SLC2A9: variants seen among roughly 807,000 people sequenced by gnomAD.
The protein encoded by SLC2A9 is solute carrier family 2, facilitated glucose transporter member 9.
Under a neutral mutation model 50.6 loss-of-function variants are expected in SLC2A9, and 39 were observed. That is an observed-to-expected ratio of 0.77 (90% CI 0.60 to 1.01). The LOEUF is 1.01. SLC2A9 is among the 50% of genes least tolerant of loss of function. The pLI is 0.00. For synonymous variants in SLC2A9, 324 were observed against 276.9 expected (o/e 1.17, Z -1.69); for missense variants, 686 against 677.6 (o/e 1.01, Z -0.14).
chr4:9,775,891 A>T (rs1344694643), downstream of SLC2A9, among the ~76,000 whole-genome samples: 1 of 152,200 alleles, frequency 6.6e-6, no homozygotes, highest in East Asian at 1.9e-4. Context: ...GGCCTTCTCC[A>T]TCTGTAGCTA....
At chr4:9,828,988 A>G (rs762656911) in intron 11 of SLC2A9, among the ~76,000 whole-genome samples, 21 of 152,166 alleles carry the variant, frequency 1.4e-4, no homozygotes, top group Non-Finnish European at 2.9e-4. Context: ...CCAGGCCACA[A>G]ACAGGGCTTC....
At position 9,980,505 on chromosome 4, in the gene SLC2A9, A is replaced by G. The variant is rs1475141819; in HGVS notation, c.681+87T>C. 3.1e-6 allele frequency: 5 copies of G among 1,591,270 alleles called. No homozygotes were observed. The East Asian group carries it at 8.9e-5, about 28-fold the overall frequency. ...TTGAATACCAGAAATTGCAAAATAC[A>G]GGGACCAGCTTTTGGAGAAAAGGCT... On this transcript the variant is annotated intron_variant, in intron 5 of 11. Coordinates refer to ENST00000264784, the MANE Select transcript of SLC2A9 (RefSeq NM_020041.3).
chr4:9,781,784 C>T, intron 3 of SLC2A9: 1 of 412,516 alleles, frequency 2.4e-6, no homozygotes, highest in Non-Finnish European at 4.2e-6. Flanking sequence ...CGAGCACCAG[C>T]CGCTTCCTGT....
chr4:9,823,375 A>T (rs1354171319), downstream of SLC2A9, among the ~76,000 whole-genome samples: 1 of 152,160 alleles, frequency 6.6e-6, no homozygotes, highest in Admixed American at 6.5e-5. Context: ...AGCTCATGAA[A>T]ATGTCTGTCT....
intron 10 of SLC2A9, chr4:9,878,988 G>T: frequency 2.1e-6 from 2 of 965,140 alleles, no homozygotes; most frequent in Non-Finnish European, 2.5e-6. Flanking sequence ...ACACCACACA[G>T]TAGGAACTTA....
downstream of SLC2A9, among the ~76,000 whole-genome samples, chr4:9,794,985 A>G (rs1357103774): frequency 7.1e-6 from 1 of 141,740 alleles, no homozygotes; most frequent in African/African-American, 2.6e-5. Context: ...TGTGCCAAAG[A>G]GTTCTCAGGC....
At chr4:9,964,525 T>A (rs2108959126) in intron 5 of SLC2A9, among the ~76,000 whole-genome samples, 1 of 152,332 alleles carries the variant, frequency 6.6e-6, no homozygotes. Flanking sequence ...GAAATGAATC[T>A]TCTTTTCAAA....
chr4:10,024,393 A>G (rs1386354086), upstream of SLC2A9, among the ~76,000 whole-genome samples: 1 of 152,210 alleles, frequency 6.6e-6, no homozygotes, highest in Non-Finnish European at 1.5e-5. Context: ...AGTCATATGC[A>G]TGGGGCTGTA....
chr4:9,958,429 T>A (rs1377329670), intron 5 of SLC2A9, among the ~76,000 whole-genome samples: 1 of 152,008 alleles, frequency 6.6e-6, no homozygotes, highest in East Asian at 1.9e-4. Flanking sequence ...AACTCATAAG[T>A]GGGAGTTGAA....
intron 3 of SLC2A9, among the ~76,000 whole-genome samples, chr4:9,787,274 G>A (rs1267505241): frequency 6.6e-6 from 1 of 152,168 alleles, no homozygotes; most frequent in Non-Finnish European, 1.5e-5. Flanking sequence ...CATATTCAAG[G>A]GGAGGTGATC....
intron 10 of SLC2A9, among the ~76,000 whole-genome samples, chr4:9,860,138 G>A (rs1277338824): frequency 6.6e-6 from 1 of 152,190 alleles, no homozygotes; most frequent in Non-Finnish European, 1.5e-5. Flanking sequence ...CCCCTGGGTA[G>A]TACCAGGCGT....
At chr4:9,777,219 T>C (rs1717681513), downstream of SLC2A9, among the ~76,000 whole-genome samples, 3 of 152,068 alleles carry the variant, frequency 2.0e-5, no homozygotes, top group Admixed American at 2.0e-4. Flanking sequence ...TGGGAGATGG[T>C]TGCAGCAGAA....
chr4:10,021,510 T>A (rs1578379975), upstream of SLC2A9: 15 of 1,600,224 alleles, frequency 9.4e-6, no homozygotes, highest in East Asian at 3.4e-4. Flanking sequence ...GGAGGCAGAG[T>A]CCACTGGAAG....
At chr4:9,955,930 T>A (rs1337140244) in intron 5 of SLC2A9, among the ~76,000 whole-genome samples, 6 of 125,118 alleles carry the variant, frequency 4.8e-5, no homozygotes, top group Non-Finnish European at 7.8e-5. Flanking sequence ...CAGGCTGGAG[T>A]GTAGTGGTGC....
At chr4:9,912,098 C>T (rs1208574631) in intron 7 of SLC2A9, among the ~76,000 whole-genome samples, 3 of 152,052 alleles carry the variant, frequency 2.0e-5, no homozygotes, top group African/African-American at 7.3e-5. Context: ...AATAAGAACA[C>T]ATGGACACAG....
At position 9,792,163 on chromosome 4, in the gene SLC2A9, C is replaced by T. The variant is rs57837739; in HGVS notation, n.386-12098G>A. Among the ~76,000 whole-genome samples, 756 of 77,228 alleles carry T rather than the reference C, an allele frequency of 9.8e-3. 13 individuals are homozygous for T. The highest frequency in any genetic ancestry group is 0.033 in the African/African-American group (675 of 20,282). The allele number at this position is 77,228 out of a possible 152,430, so 50.7% of individuals were successfully genotyped here. A position where few individuals can be genotyped will look rare whatever the true frequency, so the allele number is the denominator to read the frequency against. ...AGGAGATGTTTTCTATTCTATGTTT[C>T]TTTTTTTTTTTTTTTTTTTTTTTGT... On this transcript the variant is annotated intron_variant and non_coding_transcript_variant, in intron 3 of 3. Coordinates refer to the SLC2A9 transcript ENST00000503803.
At chr4:9,831,660 A>T (rs1393167728) in intron 11 of SLC2A9, among the ~76,000 whole-genome samples, 3 of 152,206 alleles carry the variant, frequency 2.0e-5, no homozygotes, top group Non-Finnish European at 2.9e-5. Context: ...GAAAGAGGGG[A>T]GCCAGGACAT....
chr4:9,881,845 C>T (rs867795928), intron 10 of SLC2A9, among the ~76,000 whole-genome samples: 1 of 152,184 alleles, frequency 6.6e-6, no homozygotes, highest in Non-Finnish European at 1.5e-5. Context: ...ACTTGGGATG[C>T]CTTAATTCTA....
intron 1 of SLC2A9, among the ~76,000 whole-genome samples, chr4:10,030,825 C>A (rs922233343): frequency 4.6e-5 from 7 of 152,162 alleles, no homozygotes; most frequent in Admixed American, 3.3e-4. Flanking sequence ...CCCCACCAGG[C>A]CGCTTTGCAT....
Sources: gnomAD v4.1 joint callset for allele counts (sites outside exome capture counted in the v4.1 genomes callset) on GRCh38, gnomAD v4.1.1 for gene constraint, MANE v1.5 for transcripts, NCBI Gene and HGNC (gene_info 2026-07-23, HGNC 2026-07-21) for gene names.